Variants in DRC11 observed in about 807,000 individuals in gnomAD.
DRC11 encodes the protein dynein regulatory complex subunit 11, also known as IQ and AAA domain-containing protein 1.
At chr2:236,487,315 C>T in the DRC11 span, among the ~76,000 whole-genome samples, 3 of 152,142 alleles carry the variant, frequency 2.0e-5, no homozygotes, top group Non-Finnish European at 2.9e-5. Flanking sequence ...CACAGAAACC[C>T]GAAAGAAAAC....
chr2:236,436,627 C>T, the DRC11 span, among the ~76,000 whole-genome samples: 8 of 152,062 alleles, frequency 5.3e-5, no homozygotes, highest in Non-Finnish European at 1.0e-4. Flanking sequence ...CAGTATACTA[C>T]TGAATTCTGA....
At chr2:236,308,468 C>T in the DRC11 span, among the ~76,000 whole-genome samples, 1 of 152,250 alleles carries the variant, frequency 6.6e-6, no homozygotes, top group Non-Finnish European at 1.5e-5. This position sits in a 1 kb window ranked among gnomAD's most constrained non-coding sequence, Gnocchi z 6.0. Flanking sequence ...GCACAGAGAT[C>T]TCTGTGTGGG....
chr2:236,468,640 C>T, the DRC11 span, among the ~76,000 whole-genome samples: 12 of 152,088 alleles, frequency 7.9e-5, no homozygotes, highest in Admixed American at 1.3e-4. Context: ...ATTCTTATGT[C>T]GTCCAGGTAA....
the DRC11 span, chr2:236,343,745 C>T: frequency 1.4e-5 from 18 of 1,303,986 alleles, no homozygotes; most frequent in Admixed American, 4.6e-5. This position sits in a 1 kb window ranked among gnomAD's most constrained non-coding sequence, Gnocchi z 6.6. Context: ...GCAGCAACTT[C>T]GCCAGCAGAG....
the DRC11 span, among the ~76,000 whole-genome samples, chr2:236,386,098 A>C: frequency 6.7e-6 from 1 of 150,018 alleles, no homozygotes; most frequent in African/African-American, 2.4e-5. Flanking sequence ...ATCAATGTTC[A>C]TCAAGGATAT....
chr2:236,331,059 A>T, the DRC11 span, among the ~76,000 whole-genome samples: 1 of 152,348 alleles, frequency 6.6e-6, no homozygotes, highest in Middle Eastern at 3.4e-3. This position sits in a 1 kb window ranked among gnomAD's most constrained non-coding sequence, Gnocchi z 4.8. Context: ...AATACCAAAT[A>T]TGAAGTAAAA....
chr2:236,347,930 C>A, the DRC11 span, among the ~76,000 whole-genome samples: 1 of 152,150 alleles, frequency 6.6e-6, no homozygotes, highest in African/African-American at 2.4e-5. Context: ...CCAGTGGACT[C>A]GAGGAGCTAG....
chr2:236,319,966 T>C, the DRC11 span, among the ~76,000 whole-genome samples: 2 of 152,220 alleles, frequency 1.3e-5, no homozygotes, highest in African/African-American at 4.8e-5. The surrounding 1 kb of genome is among the most constrained non-coding windows in gnomAD (Gnocchi z 6.7). Context: ...TAATGTGTCC[T>C]TCCCCCTCAG....
chr2:236,404,228 G>T, the DRC11 span, among the ~76,000 whole-genome samples: 10 of 151,780 alleles, frequency 6.6e-5, no homozygotes. Flanking sequence ...AAAATCCAAT[G>T]CCCCAGCTCT....
At chr2:236,392,908 T>C in the DRC11 span, among the ~76,000 whole-genome samples, 21 of 152,306 alleles carry the variant, frequency 1.4e-4, no homozygotes, top group African/African-American at 5.1e-4. The surrounding 1 kb of genome is among the most constrained non-coding windows in gnomAD (Gnocchi z 5.1). Flanking sequence ...ATCACACATA[T>C]TTAAAATTTC....
chr2:236,357,536 TAA>T, the DRC11 span, among the ~76,000 whole-genome samples: 5 of 127,610 alleles, frequency 3.9e-5, no homozygotes, highest in Non-Finnish European at 7.7e-5. Flanking sequence ...ATTATGAATA[TAA>T]TTTATATATT....
the DRC11 span, among the ~76,000 whole-genome samples, chr2:236,334,266 C>T: frequency 1.3e-5 from 2 of 152,302 alleles, no homozygotes; most frequent in South Asian, 4.1e-4. This position sits in a 1 kb window ranked among gnomAD's most constrained non-coding sequence, Gnocchi z 7.8. Context: ...GTTTCTTGGC[C>T]CTTAAATAGC....
the DRC11 span, among the ~76,000 whole-genome samples, chr2:236,358,078 AATAT>A: frequency 8.3e-6 from 1 of 120,556 alleles, no homozygotes; most frequent in Non-Finnish European, 1.6e-5. Flanking sequence ...ATATATTTAT[AATAT>A]ATAGATATAT....
the DRC11 span, among the ~76,000 whole-genome samples, chr2:236,400,770 T>C: frequency 4.6e-5 from 7 of 152,140 alleles, no homozygotes; most frequent in Admixed American, 3.9e-4. This position sits in a 1 kb window ranked among gnomAD's most constrained non-coding sequence, Gnocchi z 7.9. Flanking sequence ...GGCTCCGGGA[T>C]GCGGTGGCCT....
chr2:236,399,356 T>C, the DRC11 span: 1 of 1,368,678 alleles, frequency 7.3e-7, no homozygotes. This position sits in a 1 kb window ranked among gnomAD's most constrained non-coding sequence, Gnocchi z 7.0. Context: ...CCTCCCGTGA[T>C]GGGGTTCCCA....
the DRC11 span, among the ~76,000 whole-genome samples, chr2:236,336,636 C>T: frequency 6.6e-6 from 1 of 152,162 alleles, no homozygotes; most frequent in Non-Finnish European, 1.5e-5. The surrounding 1 kb of genome is among the most constrained non-coding windows in gnomAD (Gnocchi z 7.3). Context: ...TCCTCAGCGT[C>T]ACCCCACACT....
the DRC11 span, among the ~76,000 whole-genome samples, chr2:236,336,954 T>A: frequency 1.1e-4 from 17 of 152,204 alleles, no homozygotes; most frequent in Non-Finnish European, 2.2e-4. This position sits in a 1 kb window ranked among gnomAD's most constrained non-coding sequence, Gnocchi z 7.3. Flanking sequence ...TTTCAGCTAC[T>A]GCTCCAACTT....
At chr2:236,482,465 C>A in the DRC11 span, among the ~76,000 whole-genome samples, 1 of 152,314 alleles carries the variant, frequency 6.6e-6, no homozygotes, top group Admixed American at 6.5e-5. This position sits in a 1 kb window ranked among gnomAD's most constrained non-coding sequence, Gnocchi z 4.5. Context: ...AACTTGCCAA[C>A]TGGCTTTCAG....
At chr2:236,427,357 G>T in the DRC11 span, among the ~76,000 whole-genome samples, 1 of 152,090 alleles carries the variant, frequency 6.6e-6, no homozygotes, top group African/African-American at 2.4e-5. The surrounding 1 kb of genome is among the most constrained non-coding windows in gnomAD (Gnocchi z 5.9). Context: ...ATTGGTATTA[G>T]TTCTTTACAT....
Sources: allele counts gnomAD v4.1 joint callset (sites outside exome capture counted in the v4.1 genomes callset), GRCh38; gene constraint gnomAD v4.1.1; non-coding constraint Gnocchi (gnomAD v3.1); transcripts MANE v1.5; gene names NCBI Gene and HGNC (gene_info 2026-07-23, HGNC 2026-07-21).